ATG10: variants seen among roughly 807,000 people sequenced by gnomAD.
ATG10 encodes ubiquitin-like-conjugating enzyme ATG10.
A neutral mutation model predicts 32.1 loss-of-function variants in ATG10; 30 were observed. That is an observed-to-expected ratio of 0.94 (90% CI 0.70 to 1.27). The LOEUF (loss-of-function observed/expected upper bound fraction) is 1.27. ATG10 is among the 50% of genes most tolerant of loss of function. ATG10 has a pLI of 0.00. For synonymous variants in ATG10, 87 were observed against 91.5 expected (o/e 0.95, Z 0.28); for missense variants, 233 against 262.3 (o/e 0.89, Z 0.77).
intron 3 of ATG10, among the ~76,000 whole-genome samples, chr5:82,123,115 T>TC (rs1766112549): frequency 6.6e-6 from 1 of 152,148 alleles, no homozygotes; most frequent in South Asian, 2.1e-4. Flanking sequence ...AACCTAAATG[T>TC]CCATCAATGA....
intron 5 of ATG10, among the ~76,000 whole-genome samples, chr5:82,195,111 C>T (rs1437925950): frequency 6.6e-6 from 1 of 152,096 alleles, no homozygotes; most frequent in South Asian, 2.1e-4. Flanking sequence ...TAGTGTTGAC[C>T]CTGCTGGTCC....
At chr5:82,074,828 A>G (rs1008217807) in intron 3 of ATG10, among the ~76,000 whole-genome samples, 6 of 152,226 alleles carry the variant, frequency 3.9e-5, no homozygotes, top group Admixed American at 6.5e-5. Flanking sequence ...AGTCACACTT[A>G]GCGATAGTCA....
At chr5:82,079,704 T>C (rs1355822249) in intron 3 of ATG10, among the ~76,000 whole-genome samples, 1 of 152,206 alleles carries the variant, frequency 6.6e-6, no homozygotes, top group Non-Finnish European at 1.5e-5. Flanking sequence ...CTCATCCTTT[T>C]TTATGGCTGC....
chr5:82,025,632 G>A (rs576101964), intron 2 of ATG10, among the ~76,000 whole-genome samples: 17 of 152,322 alleles, frequency 1.1e-4, no homozygotes, highest in South Asian at 4.1e-4. Context: ...GGTGGACTCA[G>A]TATGCCGGTA....
chr5:82,004,960 C>A (rs1761950736), intron 2 of ATG10, among the ~76,000 whole-genome samples: 1 of 152,112 alleles, frequency 6.6e-6, no homozygotes, highest in Non-Finnish European at 1.5e-5. Context: ...AAGAGATATA[C>A]CCTAATGTAA....
intron 2 of ATG10, among the ~76,000 whole-genome samples, chr5:82,006,163 C>T (rs1162696807): frequency 6.6e-6 from 1 of 152,114 alleles, no homozygotes; most frequent in Non-Finnish European, 1.5e-5. Context: ...TGCCATTATG[C>T]TAATACATTA....
chr5:81,983,823 C>T (rs1445697109), intron 1 of ATG10, among the ~76,000 whole-genome samples: 11 of 151,158 alleles, frequency 7.3e-5, no homozygotes, highest in Non-Finnish European at 1.0e-4. Flanking sequence ...ACCTCCCAGA[C>T]GGGGTCGTGG....
chr5:81,980,118 G>C (rs1271402909), intron 1 of ATG10, among the ~76,000 whole-genome samples: 1 of 152,030 alleles, frequency 6.6e-6, no homozygotes, highest in African/African-American at 2.4e-5. Flanking sequence ...TTACGTGTTT[G>C]AATTTCCTTC....
intron 2 of ATG10, among the ~76,000 whole-genome samples, chr5:82,037,234 C>CTTTTTTATTTTT (rs1762953632): frequency 2.7e-5 from 1 of 36,930 alleles, no homozygotes; most frequent in Non-Finnish European, 4.9e-5. Flanking sequence ...ATCTCATTTA[C>CTTTTTTATTTTT]TTTTTTTTTT....
intron 5 of ATG10, among the ~76,000 whole-genome samples, chr5:82,230,732 CAAAAAAAAAAA>C (rs397881697): frequency 1.7e-5 from 1 of 58,802 alleles, no homozygotes. Context: ...GACTCCGTCT[CAAAAAAAAAAA>C]AAAAAAAAAA....
intron 2 of ATG10, among the ~76,000 whole-genome samples, chr5:82,040,656 T>C (rs150544852): frequency 4.5e-4 from 69 of 152,332 alleles, no homozygotes; most frequent in African/African-American, 1.6e-3. Context: ...GAAAATACAT[T>C]ACAGTTTAAT....
At chr5:81,993,336 C>CTTCCTTCCTTCCTTCTTTCT (rs1554039310) in intron 2 of ATG10, among the ~76,000 whole-genome samples, 15 of 77,728 alleles carry the variant, frequency 1.9e-4, no homozygotes, top group African/African-American at 9.6e-4. Context: ...TCCTTCCTTC[C>CTTCCTTCCTTCCTTCTTTCT]TTCTTTCTTT....
At chr5:82,100,393 C>T (rs150352998) in intron 3 of ATG10, among the ~76,000 whole-genome samples, 121 of 152,150 alleles carry the variant, frequency 8.0e-4, no homozygotes, top group Middle Eastern at 3.4e-3. Flanking sequence ...TCCCTGCATA[C>T]GTACCCATCT....
At chr5:82,181,659 C>A (rs1220011611) in intron 5 of ATG10, among the ~76,000 whole-genome samples, 2 of 152,052 alleles carry the variant, frequency 1.3e-5, no homozygotes, top group South Asian at 2.1e-4. Context: ...AGCTTGCGGA[C>A]TGAACATGAT....
At chr5:82,000,536 T>C (rs371955138) in intron 2 of ATG10, among the ~76,000 whole-genome samples, 7 of 152,326 alleles carry the variant, frequency 4.6e-5, no homozygotes, top group African/African-American at 1.7e-4. Context: ...TATTGCTGTT[T>C]GTAGATAATA....
At chr5:82,037,437 C>T (rs891785686) in intron 2 of ATG10, among the ~76,000 whole-genome samples, 51 of 148,782 alleles carry the variant, frequency 3.4e-4, no homozygotes, top group Non-Finnish European at 4.3e-4. Context: ...TTAGTAGAGA[C>T]GGGGTTTCAC....
chr5:82,199,552 A>G (rs1026354906), intron 5 of ATG10, among the ~76,000 whole-genome samples: 2 of 152,288 alleles, frequency 1.3e-5, no homozygotes, highest in East Asian at 1.9e-4. Flanking sequence ...CCTGATATCA[A>G]TATAAGCATA....
At chr5:81,979,692 T>C (rs1253948317) in intron 1 of ATG10, among the ~76,000 whole-genome samples, 2 of 149,518 alleles carry the variant, frequency 1.3e-5, no homozygotes, top group Non-Finnish European at 3.0e-5. Context: ...GGTAAACCTT[T>C]TTTTTTTTTT....
chr5:82,157,332 AC>A (rs1767841419), intron 3 of ATG10, among the ~76,000 whole-genome samples: 1 of 151,740 alleles, frequency 6.6e-6, no homozygotes, highest in Non-Finnish European at 1.5e-5. Flanking sequence ...TCTTATAACC[AC>A]CCTTTTTTGT....
Sources: gnomAD v4.1 joint callset for allele counts (sites outside exome capture counted in the v4.1 genomes callset) on GRCh38, gnomAD v4.1.1 for gene constraint, MANE v1.5 for transcripts, NCBI Gene and HGNC (gene_info 2026-07-23, HGNC 2026-07-21) for gene names.